Variants in ZNF726 observed in about 807,000 individuals in gnomAD.
The protein encoded by ZNF726 is zinc finger protein 726, also known as zinc finger protein 92 pseudogene 3.
A neutral mutation model predicts 11.6 loss-of-function variants in ZNF726; 15 were observed. The ratio of observed to expected loss-of-function variants is 1.29; its 90% CI spans 0.86 to 1.99. ZNF726 has a LOEUF of 1.99. Among genes scored for constraint, ZNF726 ranks in the 30% most tolerant of loss-of-function variants. The pLI is 0.00. For synonymous variants in ZNF726, 295 were observed against 243.6 expected (o/e 1.21, Z -1.96); for missense variants, 890 against 725.6 (o/e 1.23, Z -2.60).
At chr19:23,917,490 A>G (rs895305060) in intron 1 of ZNF726, among the ~76,000 whole-genome samples, 21 of 127,572 alleles carry the variant, frequency 1.6e-4, no homozygotes, top group Non-Finnish European at 2.9e-4. Context: ...CCAAAGAAAA[A>G]AAGAAAAAAA....
At position 23,934,295 on chromosome 19, in the gene ZNF726, A is replaced by G; in HGVS notation, c.*328A>G. 1 of 627,816 alleles carries G rather than the reference A, an allele frequency of 1.6e-6. No homozygotes were observed. The allele number at this position is 627,816 out of a possible 1,614,324, so 38.9% of individuals were successfully genotyped here. A position where few individuals can be genotyped will look rare whatever the true frequency, so the allele number is the denominator to read the frequency against. ...ACATAAGAGGATGCACACTGGAGAG[A>G]AACCTTACAAATGTGAGGAATGTGG... On this transcript the variant is annotated 3_prime_UTR_variant, in exon 4 of 4. Transcript: ENST00000594466.
Position 23,932,558 on chromosome 19 carries a change from G to T in ZNF726, c.442G>T (p.Gly148Cys). The change falls in exon 4 of 4, where the codon GGT becomes TGT. Residue 148 changes from glycine (G) to cysteine (C), a missense_variant. Physicochemically the swap from Gly to Cys is radical, Grantham distance 159. Coordinates refer to ENST00000594466, the MANE Select transcript of ZNF726 (RefSeq NM_001244038.2). ...TACCCAGGGCAAAGCTTCTCAATGT[G>T]GTAAATATTTGAAAGTCTTTTATAA... ...TTTQGKASQC[G>C]KYLKVFYKFI... The T allele has an allele frequency of 6.3e-7, 1 of 1,585,326 alleles. No homozygotes were observed. The highest frequency in any genetic ancestry group is 8.6e-7 in the Non-Finnish European group (1 of 1,169,228).
chr19:23,924,317 G>A (rs1015867512), intron 3 of ZNF726, among the ~76,000 whole-genome samples: 2 of 151,712 alleles, frequency 1.3e-5, no homozygotes, highest in African/African-American at 4.8e-5. Flanking sequence ...GCCTCTGAAA[G>A]TGCTGGGATT....
chr19:23,943,751 C>T (rs1968374936), intron 4 of ZNF726: 1 of 435,508 alleles, frequency 2.3e-6, no homozygotes, highest in Admixed American at 3.5e-5. Flanking sequence ...ATTTTTGTCC[C>T]ATACCCTTAA....
intron 1 of ZNF726, chr19:23,919,089 A>G (rs1967776254): frequency 3.4e-6 from 1 of 293,852 alleles, no homozygotes; most frequent in Non-Finnish European, 6.4e-6. Flanking sequence ...GTATTATGTA[A>G]ATACTGTACT....
chr19:23,932,605 T>A lies in ZNF726; in HGVS notation c.489T>A (p.Tyr163Ter). 1 of 1,541,210 alleles carries A rather than the reference T, an allele frequency of 6.5e-7. No homozygotes were observed. Among genetic ancestry groups the A allele is most frequent in the Middle Eastern group, 1.7e-4 (1 of 5,812 alleles). Residue 163 changes from tyrosine to a stop codon, truncating the protein, a stop_gained, in exon 4 of 4, where the codon TAT becomes TAA. Coordinates refer to ENST00000594466, the MANE Select transcript of ZNF726 (RefSeq NM_001244038.2). LOFTEE classifies it low-confidence loss of function (END_TRUNC). ...ATAAATTTATAAATTTAAACAGATATAAGATAAGACATACTAGAAAGAAAC... is the reference window on the plus strand; with the variant it reads ...ATAAATTTATAAATTTAAACAGATAAAAGATAAGACATACTAGAAAGAAAC... ...VFYKFINLNRYKIRHTRKKPF... is the reference protein window; with the variant it reads ...VFYKFINLNR
At chr19:23,926,705 C>CT (rs1278721606) in intron 3 of ZNF726, among the ~76,000 whole-genome samples, 3 of 151,116 alleles carry the variant, frequency 2.0e-5, no homozygotes, top group Non-Finnish European at 4.4e-5. Context: ...AAAAGATTAT[C>CT]TTTTTTCTAC....
intron 1 of ZNF726, among the ~76,000 whole-genome samples, chr19:23,915,959 T>G (rs1967688729): frequency 1.3e-5 from 2 of 152,220 alleles, no homozygotes; most frequent in South Asian, 4.1e-4. Context: ...TATAGTTGGT[T>G]AAGCGTTAAG....
chr19:23,921,942 T>A (rs758133664), intron 3 of ZNF726, among the ~76,000 whole-genome samples: 3 of 152,182 alleles, frequency 2.0e-5, no homozygotes, highest in Non-Finnish European at 4.4e-5. Context: ...TAGTATTGCG[T>A]TGGTGTCTGT....
intron 3 of ZNF726, among the ~76,000 whole-genome samples, chr19:23,942,632 T>A (rs1309278634): frequency 6.6e-6 from 1 of 152,196 alleles, no homozygotes; most frequent in Non-Finnish European, 1.5e-5. Flanking sequence ...TTTATAAATT[T>A]TGGAGCTCCA....
chr19:23,926,503 G>A (rs952406055), intron 3 of ZNF726, among the ~76,000 whole-genome samples: 7 of 149,442 alleles, frequency 4.7e-5, no homozygotes, highest in Non-Finnish European at 8.9e-5. Flanking sequence ...GTAGTGAGCC[G>A]AGACCATGCC....
chr19:23,927,906 G>T (rs1156996447), intron 3 of ZNF726: 1 of 152,084 alleles, frequency 6.6e-6, no homozygotes, highest in Non-Finnish European at 1.5e-5. Flanking sequence ...AAACCTAGTT[G>T]GTCTATAATA....
At chr19:23,943,471 A>T (rs1038666104) in intron 3 of ZNF726, 3 of 584,848 alleles carry the variant, frequency 5.1e-6, no homozygotes, top group Non-Finnish European at 9.5e-6. Context: ...AGCAAGTCAT[A>T]TTACTTTTTT....
chr19:23,927,339 C>A (rs67534545), intron 3 of ZNF726, among the ~76,000 whole-genome samples: 28,430 of 151,868 alleles, frequency 0.19, 2,817 homozygotes, highest in African/African-American at 0.24. Context: ...TTTTTTTATT[C>A]CTGAGCAAAA....
At chr19:23,934,557 G>A (rs988186969), downstream of ZNF726, 3 of 355,750 alleles carry the variant, frequency 8.4e-6, no homozygotes, top group Non-Finnish European at 1.6e-5. Flanking sequence ...TTTTCATACA[G>A]TCTTTCTAGA....
chr19:23,931,950 G>C (rs1378361143), intron 3 of ZNF726, among the ~76,000 whole-genome samples: 2 of 152,114 alleles, frequency 1.3e-5, no homozygotes, highest in African/African-American at 2.4e-5. Flanking sequence ...CTAAAAGCCA[G>C]AAATGATAAT....
chr19:23,940,228 A>G (rs1366367179), intron 3 of ZNF726, among the ~76,000 whole-genome samples: 2 of 152,104 alleles, frequency 1.3e-5, no homozygotes, highest in Non-Finnish European at 2.9e-5. Context: ...TCATTCTCCT[A>G]CATGTGGCTA....
intron 3 of ZNF726, 86 bp downstream of exon 3, chr19:23,920,168 T>A (rs1967807956): frequency 2.1e-6 from 2 of 973,866 alleles, no homozygotes; most frequent in Non-Finnish European, 3.0e-6. Context: ...TTTGGAAAGC[T>A]GCATTCCAAA....
chr19:23,933,107 C>T lies in ZNF726; in HGVS notation c.991C>T (p.His331Tyr), dbSNP rs1682587931. 1.9e-6 allele frequency: 3 copies of T among 1,612,256 alleles called. No homozygotes were observed. Among genetic ancestry groups the T allele is most frequent in the Non-Finnish European group, 2.5e-6 (3 of 1,179,948 alleles). ...AFVWSSTLTR[H>Y]KRLHSGEKPY... ...TGTTTGGTCCTCAACCCTAACTAGA[C>T]ATAAGAGGCTGCACAGTGGAGAGAA... The change falls in exon 4 of 4, where the codon CAT becomes TAT. Residue 331 changes from histidine (H) to tyrosine (Y), a missense_variant. Coordinates refer to ENST00000594466, the MANE Select transcript of ZNF726 (RefSeq NM_001244038.2).
Sources: allele counts gnomAD v4.1 joint callset (sites outside exome capture counted in the v4.1 genomes callset), GRCh38; gene constraint gnomAD v4.1.1; transcripts MANE v1.5; gene names NCBI Gene and HGNC (gene_info 2026-07-23, HGNC 2026-07-21).